The following EEPD1 variants were observed in gnomAD, a reference collection of about 807,000 sequenced individuals.
The protein encoded by EEPD1 is endonuclease/exonuclease/phosphatase family domain-containing protein 1.
EEPD1 carries 17 observed loss-of-function variants against 46.3 expected under a neutral mutation model. The ratio of observed to expected loss-of-function variants is 0.37; its 90% CI spans 0.25 to 0.55. EEPD1 has a LOEUF of 0.55. EEPD1 is among the 20% of genes least tolerant of loss of function. The pLI is 0.83. For missense variants in EEPD1, 673 were observed against 745.6 expected, an observed-to-expected ratio of 0.90 and a Z score of 1.13; for synonymous variants, 313 against 315.6, an observed-to-expected ratio of 0.99 and a Z score of 0.09.
In EEPD1 at chr7:36,185,778, C is replaced by G. The variant is rs544515755; in HGVS notation, c.878+30576C>G. Among the ~76,000 whole-genome samples, 5 of 152,304 alleles carry G rather than the reference C, an allele frequency of 3.3e-5. No individual in the cohort carries two copies. In the East Asian group the frequency reaches 9.6e-4, roughly 29 times the overall value. On this transcript the variant is annotated intron_variant, in intron 2 of 7. Coordinates refer to ENST00000242108, the MANE Select transcript of EEPD1 (RefSeq NM_030636.3). ...AGCAGGCTTAAGGTTTCGTTTTGTG[C>G]CCTTTGTGTTGGTGACAGTGTGTTC...
At chr7:36,204,037 T>C (rs962946246) in intron 2 of EEPD1, among the ~76,000 whole-genome samples, 1 of 150,906 alleles carries the variant, frequency 6.6e-6, no homozygotes, top group Non-Finnish European at 1.5e-5. Flanking sequence ...TTTTTCTTTT[T>C]CTTTTTTTTT....
At chr7:36,293,912 C>A (rs745766658) in intron 6 of EEPD1, among the ~76,000 whole-genome samples, 1 of 151,550 alleles carries the variant, frequency 6.6e-6, no homozygotes, top group Non-Finnish European at 1.5e-5. Context: ...TGTAGTGAGC[C>A]GAGATCGTGC....
intron 2 of EEPD1, among the ~76,000 whole-genome samples, chr7:36,178,559 C>G (rs1422863494): frequency 6.6e-6 from 1 of 152,236 alleles, no homozygotes; most frequent in Non-Finnish European, 1.5e-5. Context: ...AGTCTTCCCT[C>G]TCTTCTGCCA....
chr7:36,211,760 A>G (rs1705842269), intron 2 of EEPD1, among the ~76,000 whole-genome samples: 1 of 152,036 alleles, frequency 6.6e-6, no homozygotes, highest in South Asian at 2.1e-4. Context: ...CCCTGTCTCT[A>G]CTAAAAGTAC....
At chr7:36,241,211 C>A (rs919528254) in intron 3 of EEPD1, among the ~76,000 whole-genome samples, 2 of 152,144 alleles carry the variant, frequency 1.3e-5, no homozygotes, top group African/African-American at 4.8e-5. Flanking sequence ...TGCGGTGGCT[C>A]ACACCTATAA....
intron 2 of EEPD1, among the ~76,000 whole-genome samples, chr7:36,159,603 A>C (rs1197103122): frequency 2.0e-5 from 3 of 152,184 alleles, no homozygotes; most frequent in Non-Finnish European, 4.4e-5. Context: ...CCCAAACTCC[A>C]TGCCCTTCTG....
chr7:36,194,488 C>T (rs1785540217), intron 2 of EEPD1, among the ~76,000 whole-genome samples: 1 of 152,216 alleles, frequency 6.6e-6, no homozygotes, highest in African/African-American at 2.4e-5. Context: ...CATCCTGGTT[C>T]CTCCTCCTGC....
intron 3 of EEPD1, among the ~76,000 whole-genome samples, chr7:36,264,680 G>A (rs1376297725): frequency 1.3e-5 from 2 of 152,136 alleles, no homozygotes; most frequent in African/African-American, 4.8e-5. Context: ...CCAGTATGTT[G>A]GAGGGAGCCA....
chr7:36,287,204 C>A (rs1299401756), intron 5 of EEPD1, among the ~76,000 whole-genome samples: 1 of 142,150 alleles, frequency 7.0e-6, no homozygotes, highest in Non-Finnish European at 1.5e-5. Flanking sequence ...GCCACTCCAC[C>A]CCAGCCTGGG....
chr7:36,247,237 A>G (rs1474665016), intron 3 of EEPD1, among the ~76,000 whole-genome samples: 1 of 152,196 alleles, frequency 6.6e-6, no homozygotes, highest in African/African-American at 2.4e-5. Context: ...GGGAATTTTC[A>G]GAAGGAAAGA....
At chr7:36,282,559 C>A (rs994832790) in intron 4 of EEPD1, among the ~76,000 whole-genome samples, 1 of 152,252 alleles carries the variant, frequency 6.6e-6, no homozygotes, top group Admixed American at 6.5e-5. Flanking sequence ...TGCAGGGAGA[C>A]CCGAGTTCCA....
At chr7:36,231,314 C>G (rs1194451999) in intron 2 of EEPD1, among the ~76,000 whole-genome samples, 1 of 152,222 alleles carries the variant, frequency 6.6e-6, no homozygotes, top group Non-Finnish European at 1.5e-5. Flanking sequence ...CTCATCCTGA[C>G]TTCAGAACTT....
chr7:36,255,803 G>A (rs758788057), intron 3 of EEPD1, among the ~76,000 whole-genome samples: 20 of 152,038 alleles, frequency 1.3e-4, no homozygotes, highest in Middle Eastern at 6.8e-3. Flanking sequence ...TTCTTTGAAG[G>A]GTTTTTTGTG....
chr7:36,173,111 A>G lies in EEPD1; in HGVS notation c.878+17909A>G, dbSNP rs553883346. 5.3e-5 allele frequency among the ~76,000 whole-genome samples: 8 copies of G among 152,112 alleles called. No homozygotes were observed. The South Asian group carries it at 1.7e-3, about 32-fold the overall frequency. On this transcript the variant is annotated intron_variant, in intron 2 of 7. Transcript: ENST00000242108. ...CACCCAAATCTCTTCTTGAACTGTAATCTCCACATGTCAAGGGAGGGACCT... is the reference window on the plus strand; with the variant it reads ...CACCCAAATCTCTTCTTGAACTGTAGTCTCCACATGTCAAGGGAGGGACCT...
chr7:36,222,648 A>G (rs1036913147), intron 2 of EEPD1, among the ~76,000 whole-genome samples: 5 of 152,204 alleles, frequency 3.3e-5, no homozygotes, highest in African/African-American at 4.8e-5. Flanking sequence ...TATTTCTTAC[A>G]GTCTGGAGGC....
chr7:36,239,364 C>G (rs886379901), intron 3 of EEPD1, among the ~76,000 whole-genome samples: 1 of 151,960 alleles, frequency 6.6e-6, no homozygotes, highest in Non-Finnish European at 1.5e-5. Flanking sequence ...TCACGCATGC[C>G]GGAGTCTGTG....
At chr7:36,169,435 G>A (rs1785041573) in intron 2 of EEPD1, among the ~76,000 whole-genome samples, 1 of 152,218 alleles carries the variant, frequency 6.6e-6, no homozygotes, top group South Asian at 2.1e-4. Flanking sequence ...GCTAGTGGGT[G>A]TGAAGTGGTA....
intron 2 of EEPD1, among the ~76,000 whole-genome samples, chr7:36,199,533 T>C (rs1785676240): frequency 6.6e-6 from 1 of 151,994 alleles, no homozygotes; most frequent in African/African-American, 2.4e-5. Context: ...CCCAGGACTT[T>C]TTTCTTGGGC....
At chr7:36,245,283 G>A (rs772250399) in intron 3 of EEPD1, among the ~76,000 whole-genome samples, 6 of 152,036 alleles carry the variant, frequency 3.9e-5, no homozygotes, top group Non-Finnish European at 8.8e-5. Context: ...TGAAGAGGGG[G>A]ACATTTTGCC....
Sources: allele counts gnomAD v4.1 joint callset (sites outside exome capture counted in the v4.1 genomes callset), GRCh38; gene constraint gnomAD v4.1.1; transcripts MANE v1.5; gene names NCBI Gene and HGNC (gene_info 2026-07-23, HGNC 2026-07-21).